The following RBFOX1 variants were observed in gnomAD, a reference collection of about 807,000 sequenced individuals.
The protein encoded by RBFOX1 is RNA binding fox-1 homolog 1, also known as RNA binding protein fox-1 homolog 1.
Under a neutral mutation model 57.7 loss-of-function variants are expected in RBFOX1, and 8 were observed. That is an observed-to-expected ratio of 0.14 (90% confidence interval 0.08 to 0.25). RBFOX1 has a LOEUF of 0.25. RBFOX1 is among the 10% of genes least tolerant of loss of function. The pLI, the probability that RBFOX1 is intolerant of heterozygous loss-of-function variation, is 1.00. For synonymous variants in RBFOX1, 326 were observed against 222.4 expected (o/e 1.47, Z -4.15); for missense variants, 611 against 548.5 (o/e 1.11, Z -1.14).
At chr16:7,483,185 C>T (rs1198950532) in intron 4 of RBFOX1, among the ~76,000 whole-genome samples, 4 of 152,144 alleles carry the variant, frequency 2.6e-5, no homozygotes, top group Admixed American at 2.6e-4. Context: ...ATTTATTAAC[C>T]ACCTACTATG....
intron 14 of RBFOX1, among the ~76,000 whole-genome samples, chr16:7,692,819 G>A (rs1170113376): frequency 6.6e-6 from 1 of 152,074 alleles, no homozygotes; most frequent in Middle Eastern, 3.4e-3. Context: ...AGCTGGGTTT[G>A]ATGAGGAAAT....
chr16:7,480,208 C>T (rs1025735171), intron 4 of RBFOX1, among the ~76,000 whole-genome samples: 18 of 152,140 alleles, frequency 1.2e-4, no homozygotes, highest in Non-Finnish European at 2.2e-4. Flanking sequence ...AGGGGATGTT[C>T]GTCTTTTTCT....
intron 1 of RBFOX1, among the ~76,000 whole-genome samples, chr16:5,336,892 C>T (rs540358391): frequency 2.6e-5 from 4 of 152,272 alleles, no homozygotes; most frequent in Admixed American, 6.5e-5. Context: ...TTTGTATGTT[C>T]GTCTCCCACT....
intron 3 of RBFOX1, among the ~76,000 whole-genome samples, chr16:6,881,119 GT>G (rs2062849254): frequency 6.6e-6 from 1 of 152,158 alleles, no homozygotes; most frequent in African/African-American, 2.4e-5. Flanking sequence ...ATGCTTCTCA[GT>G]GAAGCGCTCC....
rs1886278804 is a variant in RBFOX1 at position 7,387,332 on chromosome 16, C to T, written c.28-130815C>T. Among the ~76,000 whole-genome samples, 2 of 152,072 alleles carry T rather than the reference C, an allele frequency of 1.3e-5. 1 individual carries two copies. The highest frequency in any genetic ancestry group is 4.2e-4 in the South Asian group (2 of 4,806). ...TTTTATAGATAAGAAAACTGAGACCCAGGTATTTGATTAATTTCACACAGC... is the reference window on the plus strand; with the variant it reads ...TTTTATAGATAAGAAAACTGAGACCTAGGTATTTGATTAATTTCACACAGC... On this transcript the variant is annotated intron_variant, in intron 4 of 15. Coordinates refer to ENST00000550418, the MANE Select transcript of RBFOX1 (RefSeq NM_018723.4).
intron 3 of RBFOX1, among the ~76,000 whole-genome samples, chr16:7,012,799 A>G (rs139446994): frequency 1.1e-4 from 16 of 152,266 alleles, no homozygotes; most frequent in South Asian, 2.1e-4. Flanking sequence ...TAACAAACTG[A>G]TATCTTAGTG....
intron 3 of RBFOX1, among the ~76,000 whole-genome samples, chr16:6,709,768 G>A (rs977571512): frequency 6.6e-6 from 1 of 152,066 alleles, no homozygotes; most frequent in Non-Finnish European, 1.5e-5. Flanking sequence ...CTCTAAACTC[G>A]CTCAGCCCAG....
At chr16:6,273,342 T>G in intron 1 of RBFOX1, among the ~76,000 whole-genome samples, 1 of 93,892 alleles carries the variant, frequency 1.1e-5, no homozygotes, top group African/African-American at 9.2e-5. Context: ...TGTTGTTGGT[T>G]TTTTTTTTTT....
chr16:6,082,768 G>A (rs563635368), intron 1 of RBFOX1, among the ~76,000 whole-genome samples: 2 of 152,228 alleles, frequency 1.3e-5, no homozygotes, highest in Non-Finnish European at 2.9e-5. Context: ...CAGGAAGAGA[G>A]AATACCCTGA....
intron 2 of RBFOX1, among the ~76,000 whole-genome samples, chr16:6,324,131 C>T (rs1025751123): frequency 3.9e-5 from 6 of 152,016 alleles, no homozygotes; most frequent in African/African-American, 1.4e-4. Flanking sequence ...AATTTCTCAT[C>T]CCTCACCTTC....
At chr16:5,498,857 C>G (rs905787341) in intron 2 of RBFOX1, among the ~76,000 whole-genome samples, 2 of 152,236 alleles carry the variant, frequency 1.3e-5, no homozygotes, top group Non-Finnish European at 1.5e-5. Flanking sequence ...GGCTTGGCAC[C>G]AGGATCTCTC....
intron 3 of RBFOX1, among the ~76,000 whole-genome samples, chr16:6,844,270 T>C (rs2093643576): frequency 6.6e-6 from 1 of 152,140 alleles, no homozygotes; most frequent in Admixed American, 6.5e-5. Flanking sequence ...ATAGGTACCA[T>C]GGCAGTTTGC....
intron 2 of RBFOX1, among the ~76,000 whole-genome samples, chr16:6,524,145 C>T (rs2096546680): frequency 1.3e-5 from 2 of 152,194 alleles, no homozygotes; most frequent in African/African-American, 4.8e-5. Flanking sequence ...TCCCCCGACA[C>T]TACCTTTCCC....
chr16:7,255,408 T>C (rs2094637591), intron 4 of RBFOX1, among the ~76,000 whole-genome samples: 2 of 152,228 alleles, frequency 1.3e-5, no homozygotes, highest in African/African-American at 2.4e-5. Context: ...TGATAGGGGA[T>C]TGGTTTAATA....
At chr16:6,770,642 C>T (rs2078133483) in intron 3 of RBFOX1, among the ~76,000 whole-genome samples, 1 of 152,024 alleles carries the variant, frequency 6.6e-6, no homozygotes, top group African/African-American at 2.4e-5. Context: ...TACTCAGAGG[C>T]TGCAGAGCCT....
chr16:7,170,521 G>C (rs1251278336), intron 4 of RBFOX1, among the ~76,000 whole-genome samples: 1 of 152,154 alleles, frequency 6.6e-6, no homozygotes, highest in Admixed American at 6.5e-5. Flanking sequence ...AGTATGAGTA[G>C]ATGGGATTGC....
chr16:5,692,397 G>A (rs572825106), intron 3 of RBFOX1, among the ~76,000 whole-genome samples: 1 of 152,182 alleles, frequency 6.6e-6, no homozygotes, highest in South Asian at 2.1e-4. Flanking sequence ...CAGTCACACA[G>A]CTGCAAAAAG....
intron 3 of RBFOX1, among the ~76,000 whole-genome samples, chr16:7,029,061 T>C (rs1352966202): frequency 9.7e-5 from 3 of 30,914 alleles, no homozygotes; most frequent in Non-Finnish European, 1.0e-4. Flanking sequence ...TATATATATA[T>C]ATATATATAT....
chr16:6,252,243 G>A (rs1447720798), intron 1 of RBFOX1, among the ~76,000 whole-genome samples: 5 of 151,912 alleles, frequency 3.3e-5, no homozygotes, highest in Non-Finnish European at 5.9e-5. Context: ...CTCTCAATAC[G>A]CCCCCACCCT....
Sources: allele counts gnomAD v4.1 joint callset (sites outside exome capture counted in the v4.1 genomes callset), GRCh38; gene constraint gnomAD v4.1.1; transcripts MANE v1.5; gene names NCBI Gene and HGNC (gene_info 2026-07-23, HGNC 2026-07-21).